DMRTB1: variants seen among roughly 807,000 people sequenced by gnomAD.
DMRTB1 encodes the protein doublesex- and mab-3-related transcription factor B1.
A neutral mutation model predicts 25.2 loss-of-function variants in DMRTB1; 9 were observed. The observed-to-expected ratio is 0.36, with a 90% confidence interval of 0.22 to 0.62. DMRTB1 has a LOEUF of 0.62. DMRTB1 is among the 20% of genes least tolerant of loss of function. The pLI is 0.71. For synonymous variants in DMRTB1, 269 were observed against 238.1 expected (o/e 1.13, Z -1.20); for missense variants, 551 against 499.3 (o/e 1.10, Z -0.99).
intron 2 of DMRTB1, among the ~76,000 whole-genome samples, chr1:53,462,969 C>T (rs61768420): frequency 0.1 from 15,387 of 152,318 alleles, 876 homozygotes; most frequent in East Asian, 0.16. Context: ...TGGAGCCTGG[C>T]GTCCAGGGCA....
At chr1:53,466,392 G>A (rs1245912027) in intron 3 of DMRTB1, among the ~76,000 whole-genome samples, 1 of 152,192 alleles carries the variant, frequency 6.6e-6, no homozygotes, top group Non-Finnish European at 1.5e-5. Context: ...TCAGGAGGCC[G>A]AGGCAGGAGA....
intron 2 of DMRTB1, among the ~76,000 whole-genome samples, chr1:53,462,489 C>A (rs546622532): frequency 3.3e-5 from 5 of 152,196 alleles, no homozygotes; most frequent in African/African-American, 1.2e-4. Flanking sequence ...AGCTTCTCTT[C>A]CACTTATCTT....
chr1:53,463,861 T>G (rs1234902103), intron 2 of DMRTB1, among the ~76,000 whole-genome samples: 1 of 152,234 alleles, frequency 6.6e-6, no homozygotes, highest in African/African-American at 2.4e-5. Flanking sequence ...TATTATTTCT[T>G]ACGACATTTG....
rs1644005466 is a variant in DMRTB1, at chr1:53,459,609, G to C, written c.156G>C (p.Ala52=). Residue 52 remains alanine, a synonymous_variant, in exon 1 of 4, where the codon GCG becomes GCC. Coordinates refer to ENST00000371445, the MANE Select transcript of DMRTB1 (RefSeq NM_033067.3). ...LISERQKIMA[A]QKVLKTQAAE... is the part of the protein sequence containing the mutation. ...CCGAGCGCCAGAAGATCATGGCCGC[G>C]CAGAAGGTGCTCAAGACGCAGGCCG... The C allele has an allele frequency of 6.3e-7, 1 of 1,584,238 alleles. No homozygotes were observed.
rs1644039050 is a variant in DMRTB1, at chr1:53,464,401, C to G, written c.751-236C>G. Among the ~76,000 whole-genome samples, 3 of 152,336 alleles carry G rather than the reference C, an allele frequency of 2.0e-5. No homozygotes were observed. In the South Asian group the frequency reaches 6.2e-4, roughly 32 times the overall value. On this transcript the variant is annotated intron_variant, in intron 2 of 3. Transcript: ENST00000371445. Reference sequence around the variant, plus strand: ...TGGCATATACAGAAGGGCTCTGTCACTGTGACCGTTCAGCTGTTCCCATGC... The same window carrying G: ...TGGCATATACAGAAGGGCTCTGTCAGTGTGACCGTTCAGCTGTTCCCATGC...
Position 53,459,761 on chromosome 1 carries a change from C to T in DMRTB1, c.308C>T (p.Pro103Leu). ...CTCCGCCCGCTGTCCCCGGGGACTC[C>T]CTCCGGAGACGCCGACCCGGGACCC... ...ASLRPLSPGT[P>L]SGDADPGPEG... Residue 103 changes from proline to leucine, a missense_variant, in exon 1 of 4, where the codon CCC becomes CTC. Coordinates refer to ENST00000371445, the MANE Select transcript of DMRTB1 (RefSeq NM_033067.3). The T allele has an allele frequency of 1.5e-6, 2 of 1,370,388 alleles. No individual in the cohort carries two copies. Among genetic ancestry groups the T allele is most frequent in the African/African-American group, 1.6e-5 (1 of 64,348 alleles). The allele number at this position is 1,370,388 out of a possible 1,614,324, so 84.9% of individuals were successfully genotyped here.
rs1644056174 is a variant in DMRTB1 at position 53,467,376 on chromosome 1, C to G, written c.*714C>G. 1 of 152,432 alleles carries G rather than the reference C, an allele frequency of 6.6e-6. No individual in the cohort carries two copies. Among genetic ancestry groups the G allele is most frequent in the African/African-American group, 2.4e-5 (1 of 41,464 alleles). 9.4% of individuals were successfully genotyped at this position (152,432 alleles called of 1,614,324 possible). A position where few individuals can be genotyped will look rare whatever the true frequency, so the allele number is the denominator to read the frequency against. On this transcript the variant is annotated 3_prime_UTR_variant, in exon 4 of 4. Coordinates refer to ENST00000371445, the MANE Select transcript of DMRTB1 (RefSeq NM_033067.3). Reference sequence around the variant, plus strand: ...TGCCAACTTTAAAAAGTAGGCTGTTCATAAGCACTGATGCAGTCCCTAGGG... The same window carrying G: ...TGCCAACTTTAAAAAGTAGGCTGTTGATAAGCACTGATGCAGTCCCTAGGG...
chr1:53,459,729 CGCGAG>C lies in DMRTB1; in HGVS notation c.277_281del (p.Ala93ProfsTer113). 1 of 1,364,210 alleles carries C rather than the reference CGCGAG, an allele frequency of 7.3e-7. No homozygotes were observed. Among genetic ancestry groups the C allele is most frequent in the African/African-American group, 1.6e-5 (1 of 64,012 alleles). The allele number at this position is 1,364,210 out of a possible 1,614,324, so 84.5% of individuals were successfully genotyped here. ...CCCCCGCCCCCGTCCCCGTCCCGGC[CGCGAG>C]CCTCCGCCCGCTGTCCCCGGGGACT... On this transcript the variant is annotated frameshift_variant, in exon 1 of 4. Transcript: ENST00000371445. LOFTEE classifies it high-confidence loss of function.
chr1:53,464,690 G>T lies in DMRTB1; in HGVS notation c.804G>T (p.Pro268=). 1 of 1,613,112 alleles carries T rather than the reference G, an allele frequency of 6.2e-7. No homozygotes were observed. Among genetic ancestry groups the T allele is most frequent in the Non-Finnish European group, 8.5e-7 (1 of 1,179,696 alleles). The change falls in exon 3 of 4, where the codon CCG becomes CCT. Residue 268 remains proline, a synonymous_variant. Coordinates refer to ENST00000371445, the MANE Select transcript of DMRTB1 (RefSeq NM_033067.3). ...CAAGCTACTACCTGCCGCCGCCGCCGCCGCCACTGCCGCCCCTTCCACCGC... is the reference window on the plus strand; with the variant it reads ...CAAGCTACTACCTGCCGCCGCCGCCTCCGCCACTGCCGCCCCTTCCACCGC... ...FQPSYYLPPP[P]PPLPPLPPLP...
rs1403029600 is a variant in DMRTB1, at chr1:53,467,304, G to GT, written c.*646dup. ...AAAGTTTCAGCCATTATGGGCACTG[G>GT]TTTTAAAAAATTTATTAGTTTGACT... On this transcript the variant is annotated 3_prime_UTR_variant, in exon 4 of 4. Transcript: ENST00000371445. The GT allele has an allele frequency of 2.6e-5, 4 of 152,848 alleles. No homozygotes were observed. The highest frequency in any genetic ancestry group is 3.4e-3 in the Middle Eastern group (1 of 294). 9.5% of individuals were successfully genotyped at this position (152,848 alleles called of 1,614,324 possible). A position where few individuals can be genotyped will look rare whatever the true frequency, so the allele number is the denominator to read the frequency against.
At chr1:53,460,307 T>C (rs958933478) in intron 1 of DMRTB1, 5 of 373,972 alleles carry the variant, frequency 1.3e-5, no homozygotes, top group African/African-American at 8.6e-5. Context: ...TGGCGTCCAG[T>C]CGACTTAGCA....
intron 1 of DMRTB1, 31 bp downstream of exon 1, chr1:53,460,061 T>G: frequency 6.6e-7 from 1 of 1,526,436 alleles, no homozygotes; most frequent in Non-Finnish European, 8.7e-7. Flanking sequence ...CGCGGTCGAC[T>G]CCCGGAGCTG....
chr1:53,463,984 G>C (rs1472705022), intron 2 of DMRTB1, among the ~76,000 whole-genome samples: 1 of 152,188 alleles, frequency 6.6e-6, no homozygotes, highest in East Asian at 1.9e-4. Flanking sequence ...AGGGACAGAA[G>C]CAGCAAAATG....
intron 2 of DMRTB1, 60 bp downstream of exon 2, chr1:53,461,705 G>C (rs974976347): frequency 6.0e-6 from 9 of 1,489,864 alleles, no homozygotes; most frequent in Non-Finnish European, 6.2e-6. Context: ...CTGCTGCCTT[G>C]ATGGATCCTC....
At chr1:53,465,989 A>G (rs1161216137) in intron 3 of DMRTB1, among the ~76,000 whole-genome samples, 3 of 152,216 alleles carry the variant, frequency 2.0e-5, no homozygotes, top group Admixed American at 1.3e-4. Flanking sequence ...CAAGGTGGAT[A>G]CGTCTCATTT....
rs1361521099 is a variant in DMRTB1, at chr1:53,464,794, C to T, written c.908C>T (p.Pro303Leu). Reference sequence around the variant, plus strand: ...CTCCCCCCGCCACCGCCACCACCACCTCCATCATCTTTCTCACTGACCGTC... The same window carrying T: ...CTCCCCCCGCCACCGCCACCACCACTTCCATCATCTTTCTCACTGACCGTC... ...HFLPPPPPPPPPSSFSLTVLF... is the reference protein window; with the variant it reads ...HFLPPPPPPPLPSSFSLTVLF... The change falls in exon 3 of 4, where the codon CCT becomes CTT. Residue 303 changes from proline to leucine, a missense_variant. Pro to Leu is a moderately conservative substitution (Grantham distance 98). Transcript: ENST00000371445. 8 of 1,613,902 alleles carry T rather than the reference C, an allele frequency of 5.0e-6. No homozygotes were observed. Among genetic ancestry groups the T allele is most frequent in the Non-Finnish European group, 6.8e-6 (8 of 1,179,998 alleles).
chr1:53,462,618 C>T (rs1644028418), intron 2 of DMRTB1, among the ~76,000 whole-genome samples: 1 of 152,204 alleles, frequency 6.6e-6, no homozygotes, highest in Non-Finnish European at 1.5e-5. Flanking sequence ...AGGTATTATA[C>T]CCCATTGTAG....
At chr1:53,461,397 C>T (rs1386064103) in intron 1 of DMRTB1, 76 bp from the exon 2 acceptor site, 2 of 1,444,502 alleles carry the variant, frequency 1.4e-6, no homozygotes, top group Non-Finnish European at 1.8e-6. Context: ...CGCTGATGAC[C>T]CCGCCGCCCT....
intron 2 of DMRTB1, among the ~76,000 whole-genome samples, chr1:53,463,035 G>T (rs961818382): frequency 6.6e-6 from 1 of 152,222 alleles, no homozygotes; most frequent in Non-Finnish European, 1.5e-5. Context: ...GATCTCAGTC[G>T]GTTTATCTGG....
Sources: allele counts gnomAD v4.1 joint callset (sites outside exome capture counted in the v4.1 genomes callset), GRCh38; gene constraint gnomAD v4.1.1; transcripts MANE v1.5; gene names NCBI Gene and HGNC (gene_info 2026-07-23, HGNC 2026-07-21).